The following MPHOSPH9 variants were observed in gnomAD, a reference collection of about 807,000 sequenced individuals.
MPHOSPH9 encodes the protein M-phase phosphoprotein 9.
In MPHOSPH9, 88 loss-of-function variants were observed where a neutral mutation model predicts 145.5. That is an observed-to-expected ratio of 0.60 (90% CI 0.51 to 0.72). MPHOSPH9 has a LOEUF of 0.72. Among genes scored for constraint, MPHOSPH9 ranks in the 30% least tolerant of loss-of-function variants. The pLI, the probability that MPHOSPH9 is intolerant of heterozygous loss-of-function variation, is 0.00. For missense variants in MPHOSPH9, 1,238 were observed against 1,386.6 expected, an observed-to-expected ratio of 0.89 and a Z score of 1.70; for synonymous variants, 435 against 486.2, an observed-to-expected ratio of 0.89 and a Z score of 1.39.
chr12:123,225,768 G>A (rs1364930422), intron 3 of MPHOSPH9, among the ~76,000 whole-genome samples: 1 of 152,172 alleles, frequency 6.6e-6, no homozygotes, highest in African/African-American at 2.4e-5. Flanking sequence ...AGCCACGGTG[G>A]CTCATGCCTG....
In MPHOSPH9 at chr12:123,221,396, T is replaced by G; in HGVS notation, c.848A>C (p.Glu283Ala). Reference protein sequence around the residue: ...HNFLGENKVSEVYSGKTNSNA... With the variant: ...HNFLGENKVSAVYSGKTNSNA... ...CCTATTTGTTTTCCCACTGTATACT[T>G]CAGAAACCTTATTTTCACCAAGAAA... The change falls in exon 5 of 24, where the codon GAA becomes GCA. Residue 283 changes from glutamate (E) to alanine (A), a missense_variant. By Grantham distance (107) the Glu-to-Ala change is moderately radical. Coordinates refer to ENST00000606320, the MANE Select transcript of MPHOSPH9 (RefSeq NM_022782.4). 6.2e-7 allele frequency: 1 copy of G among 1,606,790 alleles called. No homozygotes were observed. The highest frequency in any genetic ancestry group is 8.5e-7 in the Non-Finnish European group (1 of 1,177,282).
intron 12 of MPHOSPH9, among the ~76,000 whole-genome samples, chr12:123,195,697 T>C (rs1009998798): frequency 5.3e-5 from 8 of 152,020 alleles, no homozygotes; most frequent in Non-Finnish European, 7.4e-5. Flanking sequence ...GTGCTAGAAA[T>C]GTAAGATTAA....
At chr12:123,223,267 G>C in intron 3 of MPHOSPH9, 140 bp from the exon 4 acceptor site, 1 of 447,624 alleles carries the variant, frequency 2.2e-6, no homozygotes, top group African/African-American at 2.0e-5. Flanking sequence ...CTCATAGCTA[G>C]AGTATGCTGG....
At chr12:123,203,555 G>C (rs1003883976) in intron 8 of MPHOSPH9, among the ~76,000 whole-genome samples, 180 bp from the exon 9 acceptor site, 26 of 152,170 alleles carry the variant, frequency 1.7e-4, no homozygotes, top group Non-Finnish European at 3.5e-4. Context: ...CCTCAGAATG[G>C]AAAGATGTTT....
chr12:123,235,634 G>A (rs374563035), upstream of MPHOSPH9, among the ~76,000 whole-genome samples: 28 of 149,834 alleles, frequency 1.9e-4, no homozygotes, highest in African/African-American at 6.4e-4. Context: ...GGCCTCCCAC[G>A]GTGCTGGGAT....
At chr12:123,173,705 G>A (rs947461368) in intron 16 of MPHOSPH9, among the ~76,000 whole-genome samples, 4 of 152,216 alleles carry the variant, frequency 2.6e-5, no homozygotes, top group Non-Finnish European at 5.9e-5. Context: ...CACGCACTGA[G>A]GGGGCATCAC....
At chr12:123,160,701 A>G in intron 23 of MPHOSPH9, 80 bp downstream of exon 23, 1 of 1,351,810 alleles carries the variant, frequency 7.4e-7, no homozygotes, top group Non-Finnish European at 1.0e-6. Flanking sequence ...CTGTGCCATG[A>G]TTTTTTAAAC....
intron 1 of MPHOSPH9, among the ~76,000 whole-genome samples, chr12:123,241,687 G>C (rs1047434610): frequency 1.3e-5 from 2 of 151,642 alleles, no homozygotes; most frequent in African/African-American, 4.8e-5. Context: ...ACAGGCTGGA[G>C]ACAGCTTCTG....
chr12:123,186,245 A>AC (rs1565923998), intron 13 of MPHOSPH9, among the ~76,000 whole-genome samples: 2 of 144,104 alleles, frequency 1.4e-5, no homozygotes, highest in African/African-American at 2.5e-5. Flanking sequence ...AAAAAAAAAA[A>AC]AAAAAAGAGA....
chr12:123,168,341 CTTTTTTT>C (rs1247136954), intron 16 of MPHOSPH9, among the ~76,000 whole-genome samples: 6 of 135,426 alleles, frequency 4.4e-5, no homozygotes, highest in African/African-American at 1.7e-4. Flanking sequence ...ACATGACTTT[CTTTTTTT>C]TTTTTTTTTT....
At chr12:123,182,300 T>A (rs1293437025) in intron 13 of MPHOSPH9, among the ~76,000 whole-genome samples, 1 of 141,844 alleles carries the variant, frequency 7.1e-6, no homozygotes, top group Non-Finnish European at 1.5e-5. Flanking sequence ...ATCACCTAGG[T>A]TGAAGTGCAG....
At chr12:123,176,964 G>A (rs2044898830) in intron 15 of MPHOSPH9, among the ~76,000 whole-genome samples, 175 bp from the exon 16 acceptor site, 1 of 152,138 alleles carries the variant, frequency 6.6e-6, no homozygotes, top group African/African-American at 2.4e-5. Context: ...GGCGGAGGCA[G>A]GTGGATCACA....
intron 19 of MPHOSPH9, 72 bp from the exon 20 acceptor site, chr12:123,163,206 ATTTT>A: frequency 1.4e-6 from 2 of 1,413,416 alleles, no homozygotes; most frequent in Non-Finnish European, 1.9e-6. Context: ...CTTATTCAGT[ATTTT>A]TTTTCTAATT....
At chr12:123,227,938 C>T (rs1050861745) in intron 2 of MPHOSPH9, among the ~76,000 whole-genome samples, 20 of 152,172 alleles carry the variant, frequency 1.3e-4, no homozygotes, top group Admixed American at 1.3e-3. Context: ...TCAGCTATTC[C>T]AGAGGATTAT....
At chr12:123,163,171 TC>T in intron 19 of MPHOSPH9, 37 bp from the exon 20 acceptor site, 1 of 1,532,368 alleles carries the variant, frequency 6.5e-7, no homozygotes, top group South Asian at 1.3e-5. Flanking sequence ...TTCTTTTCCT[TC>T]TATATGTATC....
intron 1 of MPHOSPH9, among the ~76,000 whole-genome samples, chr12:123,239,535 T>C (rs1188070023): frequency 6.6e-6 from 1 of 152,100 alleles, no homozygotes; most frequent in Non-Finnish European, 1.5e-5. Context: ...CCCAAGTAGC[T>C]GGGACTACAG....
At chr12:123,233,617 C>T (rs1004998750), upstream of MPHOSPH9, 2 of 152,286 alleles carry the variant, frequency 1.3e-5, no homozygotes, top group Non-Finnish European at 2.9e-5. Context: ...GCCGGGACGC[C>T]TGGGTTTTTC....
At chr12:123,228,456 A>G (rs540086902) in intron 2 of MPHOSPH9, among the ~76,000 whole-genome samples, 4 of 152,194 alleles carry the variant, frequency 2.6e-5, no homozygotes, top group Admixed American at 6.5e-5. Flanking sequence ...TTGGGAGGCC[A>G]AGGCGGGCGG....
At position 123,154,992 on chromosome 12, in the gene MPHOSPH9, TA is replaced by T. The variant is rs67657805; in HGVS notation, c.*1814del. On this transcript the variant is annotated 3_prime_UTR_variant, in exon 24 of 24. Coordinates refer to ENST00000606320, the MANE Select transcript of MPHOSPH9 (RefSeq NM_022782.4). ...CAATATGGTGAAACACCATCTCTAC[TA>T]AAAAAAAAAAAAAGATATATACATA... 4.9e-4 allele frequency: 68 copies of T among 137,406 alleles called. No individual in the cohort carries two copies. The highest frequency in any genetic ancestry group is 5.4e-4 in the African/African-American group (20 of 36,844). 8.5% of individuals were successfully genotyped at this position (137,406 alleles called of 1,614,324 possible). A position where few individuals can be genotyped will look rare whatever the true frequency, so the allele number is the denominator to read the frequency against.
Sources: allele counts gnomAD v4.1 joint callset (sites outside exome capture counted in the v4.1 genomes callset), GRCh38; gene constraint gnomAD v4.1.1; transcripts MANE v1.5; gene names NCBI Gene and HGNC (gene_info 2026-07-23, HGNC 2026-07-21).